Variants in METTL8 observed in about 807,000 individuals in gnomAD.
METTL8 encodes the protein tRNA N(3)-cytidine methyltransferase METTL8, mitochondrial.
In METTL8, 32 loss-of-function variants were observed where a neutral mutation model predicts 48.7. The ratio of observed to expected loss-of-function variants is 0.66; its 90% confidence interval spans 0.50 to 0.88. The LOEUF is 0.88. METTL8 is among the 40% of genes least tolerant of loss of function. METTL8 has a pLI of 0.00. For synonymous variants in METTL8, 136 were observed against 157.1 expected, an observed-to-expected ratio of 0.87 and a Z score of 1.01; for missense variants, 464 against 474.4, an observed-to-expected ratio of 0.98 and a Z score of 0.20.
At position 171,316,787 on chromosome 2, in the gene METTL8, A is replaced by G. The variant is rs1406412232; in HGVS notation, c.*7385T>C. On this transcript the variant is annotated 3_prime_UTR_variant, in exon 10 of 10. Transcript: ENST00000375258. ...AAAAGCAATTATCCTTGGAGGCAGA[A>G]ATTTCTTTCTTGTTTCAATGCAGCA... 6.6e-6 allele frequency among the ~76,000 whole-genome samples: 1 copy of G among 152,226 alleles called. No homozygotes were observed. The highest frequency in any genetic ancestry group is 1.5e-5 in the Non-Finnish European group (1 of 68,042).
At chr2:171,423,774 A>G (rs1032677110) in intron 1 of METTL8, among the ~76,000 whole-genome samples, 4 of 152,246 alleles carry the variant, frequency 2.6e-5, no homozygotes, top group Non-Finnish European at 4.4e-5. Context: ...CTGATAATGC[A>G]GTAGAAATGA....
chr2:171,339,574 G>A lies in METTL8; in HGVS notation c.236-20C>T. ...ACTTAACTAAAATAAAGAGGAAAAA[G>A]AAAGATTTATTTTACTACGAATTAT... On this transcript the variant is annotated intron_variant, in intron 3 of 9. Transcript: ENST00000375258. 2 of 1,341,494 alleles carry A rather than the reference G, an allele frequency of 1.5e-6. No homozygotes were observed. The highest frequency in any genetic ancestry group is 2.0e-6 in the Non-Finnish European group (2 of 977,194). 83.1% of individuals were successfully genotyped at this position (1,341,494 alleles called of 1,614,324 possible). A position where few individuals can be genotyped will look rare whatever the true frequency, so the allele number is the denominator to read the frequency against.
At chr2:171,409,907 T>A (rs1238604050) in intron 1 of METTL8, among the ~76,000 whole-genome samples, 1 of 152,142 alleles carries the variant, frequency 6.6e-6, no homozygotes, top group Non-Finnish European at 1.5e-5. Flanking sequence ...TTGTCTACGG[T>A]CAGGCCGGAA....
At chr2:171,396,145 G>A (rs568699200) in intron 1 of METTL8, among the ~76,000 whole-genome samples, 51 of 151,980 alleles carry the variant, frequency 3.4e-4, no homozygotes, top group African/African-American at 1.1e-3. Flanking sequence ...GTATGGTGGC[G>A]GGTGCCTATA....
At chr2:171,362,527 C>A (rs1301533490) in intron 2 of METTL8, among the ~76,000 whole-genome samples, 1 of 151,500 alleles carries the variant, frequency 6.6e-6, no homozygotes, top group Non-Finnish European at 1.5e-5. Flanking sequence ...GCTATAAATA[C>A]ACCGTTGAAG....
chr2:171,330,972 G>T (rs1335283296), intron 6 of METTL8, among the ~76,000 whole-genome samples: 1 of 152,158 alleles, frequency 6.6e-6, no homozygotes, highest in African/African-American at 2.4e-5. Flanking sequence ...TTAGTAGACA[G>T]TGTTGTTAGA....
intron 2 of METTL8, among the ~76,000 whole-genome samples, chr2:171,385,014 A>G (rs1187647691): frequency 6.6e-6 from 1 of 152,100 alleles, no homozygotes; most frequent in African/African-American, 2.4e-5. Context: ...TAGAGAGTAA[A>G]TAATCCTTAA....
At position 171,337,618 on chromosome 2, in the gene METTL8, G is replaced by T. The variant is rs141805383; in HGVS notation, c.607-116C>A. On this transcript the variant is annotated intron_variant, in intron 4 of 9. Coordinates refer to ENST00000375258, the MANE Select transcript of METTL8 (RefSeq NM_001321154.2). ...AGACTTACTGGATCTCTGGGCACAG[G>T]ATAATTTTCTAAACTCAAAAGCAAT... 1,540 of 664,834 alleles carry T rather than the reference G, an allele frequency of 2.3e-3. 26 individuals are homozygous for T. In the East Asian group the frequency reaches 0.031, roughly 13 times the overall value. 41.2% of individuals were successfully genotyped at this position (664,834 alleles called of 1,614,324 possible). A position where few individuals can be genotyped will look rare whatever the true frequency, so the allele number is the denominator to read the frequency against.
intron 3 of METTL8, among the ~76,000 whole-genome samples, chr2:171,347,340 A>G (rs1191255572): frequency 6.6e-6 from 1 of 152,186 alleles, no homozygotes; most frequent in African/African-American, 2.4e-5. Flanking sequence ...CACACTACGT[A>G]CGGTTCTATG....
At chr2:171,330,494 G>T in intron 7 of METTL8, 65 bp downstream of exon 7, 2 of 1,489,554 alleles carry the variant, frequency 1.3e-6, no homozygotes, top group Admixed American at 2.1e-5. Context: ...TGCTTTGATA[G>T]TTCTGAAAAC....
intron 2 of METTL8, among the ~76,000 whole-genome samples, chr2:171,372,888 G>A (rs1332452342): frequency 6.6e-6 from 1 of 152,122 alleles, no homozygotes; most frequent in African/African-American, 2.4e-5. Flanking sequence ...TATCACTGAT[G>A]GACATTTGGA....
At chr2:171,329,872 AC>A (rs1258621246) in intron 7 of METTL8, among the ~76,000 whole-genome samples, 1 of 152,218 alleles carries the variant, frequency 6.6e-6, no homozygotes, top group African/African-American at 2.4e-5. Flanking sequence ...CCTGGTACTT[AC>A]CATATGTACC....
chr2:171,336,414 T>G (rs1160948133), intron 5 of METTL8, among the ~76,000 whole-genome samples: 1 of 148,484 alleles, frequency 6.7e-6, no homozygotes, highest in Non-Finnish European at 1.5e-5. Flanking sequence ...TTTTTTTTTT[T>G]TTTTTTAGAC....
At chr2:171,354,369 T>C (rs150447788) in intron 3 of METTL8, among the ~76,000 whole-genome samples, 8,206 of 152,266 alleles carry the variant, frequency 0.054, 237 homozygotes, top group African/African-American at 0.071. Flanking sequence ...TAACCTGACC[T>C]TTCTCTCTGG....
At chr2:171,428,301 C>G (rs954843160) in intron 1 of METTL8, among the ~76,000 whole-genome samples, 1 of 152,074 alleles carries the variant, frequency 6.6e-6, no homozygotes, top group African/African-American at 2.4e-5. Flanking sequence ...ATTGTGACTT[C>G]CTACTGATTT....
intron 2 of METTL8, 124 bp from the exon 3 acceptor site, chr2:171,360,637 T>C: frequency 1.3e-6 from 1 of 742,062 alleles, no homozygotes; most frequent in Non-Finnish European, 2.1e-6. Flanking sequence ...TAATTCCACA[T>C]GGAATGAATA....
At chr2:171,333,100 C>CTTT (rs11427651) in intron 5 of METTL8, among the ~76,000 whole-genome samples, 1 of 143,094 alleles carries the variant, frequency 7.0e-6, no homozygotes, top group Non-Finnish European at 1.5e-5. Flanking sequence ...TTTTTCTTTT[C>CTTT]TTTTTTTTTT....
rs141918278 is a variant in METTL8 at position 171,419,940 on chromosome 2, A to T, written c.-13+13943T>A. 3.5e-3 allele frequency among the ~76,000 whole-genome samples: 527 copies of T among 152,172 alleles called. 12 individuals are homozygous for T. Among genetic ancestry groups the T allele is most frequent in the Admixed American group, 0.032 (494 of 15,290 alleles). On this transcript the variant is annotated intron_variant, in intron 1 of 9. Coordinates refer to ENST00000375258, the MANE Select transcript of METTL8 (RefSeq NM_001321154.2). Reference sequence around the variant, plus strand: ...GTTACATTTTCTAAACAGAGAATGTACTGTATATCATTGCTTCTCATCCTT... The same window carrying T: ...GTTACATTTTCTAAACAGAGAATGTTCTGTATATCATTGCTTCTCATCCTT...
rs1684439885 is a variant in METTL8 at position 171,319,779 on chromosome 2, G to A, written c.*4393C>T. The A allele has an allele frequency of 6.6e-6, 1 of 152,200 alleles. No homozygotes were observed. Among genetic ancestry groups the A allele is most frequent in the Non-Finnish European group, 1.5e-5 (1 of 68,048 alleles). The allele number at this position is 152,200 out of a possible 1,614,324, so 9.4% of individuals were successfully genotyped here. On this transcript the variant is annotated 3_prime_UTR_variant, in exon 10 of 10. Coordinates refer to ENST00000375258, the MANE Select transcript of METTL8 (RefSeq NM_001321154.2). ...AACCTTCGGAAACAGTTCCTCATGT[G>A]TGAGAATTTTTACATTTGGACGATG...
Sources: allele counts gnomAD v4.1 joint callset (sites outside exome capture counted in the v4.1 genomes callset), GRCh38; gene constraint gnomAD v4.1.1; transcripts MANE v1.5; gene names NCBI Gene and HGNC (gene_info 2026-07-23, HGNC 2026-07-21).